The following C12orf42 variants were observed in gnomAD, a reference collection of about 807,000 sequenced individuals.
C12orf42 encodes chromosome 12 open reading frame 42.
Under a neutral mutation model 21.6 loss-of-function variants are expected in C12orf42, and 25 were observed. The observed-to-expected ratio is 1.16, with a 90% CI of 0.84 to 1.62. The LOEUF (loss-of-function observed/expected upper bound fraction) is 1.62, where lower values mean the gene tolerates loss of function less well. Among genes scored for constraint, C12orf42 ranks in the 40% most tolerant of loss-of-function variants. C12orf42 has a pLI of 0.00. For missense variants in C12orf42, 483 were observed against 459.3 expected (o/e 1.05, Z -0.47); for synonymous variants, 174 against 175.0 (o/e 0.99, Z 0.05).
At chr12:103,359,016 A>T (rs556785304) in intron 4 of C12orf42, among the ~76,000 whole-genome samples, 1 of 152,026 alleles carries the variant, frequency 6.6e-6, no homozygotes, top group South Asian at 2.1e-4. Context: ...AAATCACGCT[A>T]CTCTTTTCCT....
At chr12:103,531,473 A>G in the C12orf42 span, among the ~76,000 whole-genome samples, 1 of 152,120 alleles carries the variant, frequency 6.6e-6, no homozygotes, top group African/African-American at 2.4e-5. Flanking sequence ...GTTTCCCTTG[A>G]ATACAGTTTT....
At chr12:103,156,541 T>G in the C12orf42 span, among the ~76,000 whole-genome samples, 1 of 152,134 alleles carries the variant, frequency 6.6e-6, no homozygotes, top group Non-Finnish European at 1.5e-5. Context: ...GATACATGTG[T>G]AGAACATGCA....
At chr12:103,350,584 T>C (rs2043023879) in intron 4 of C12orf42, among the ~76,000 whole-genome samples, 1 of 152,192 alleles carries the variant, frequency 6.6e-6, no homozygotes, top group South Asian at 2.1e-4. Flanking sequence ...GGAGAAAACA[T>C]AGTATATATA....
At chr12:103,492,277 GTTTGTGGTTTATC>G (rs1372108446) in intron 1 of C12orf42, among the ~76,000 whole-genome samples, 1 of 152,138 alleles carries the variant, frequency 6.6e-6, no homozygotes, top group Non-Finnish European at 1.5e-5. Flanking sequence ...AATTCTATGT[GTTTGTGGTTTATC>G]TTTTCCTTAA....
intron 4 of C12orf42, among the ~76,000 whole-genome samples, chr12:103,307,617 A>G (rs923776921): frequency 3.3e-5 from 5 of 152,216 alleles, no homozygotes; most frequent in Admixed American, 6.5e-5. Flanking sequence ...AAGACAGTTT[A>G]AAGATATATC....
downstream of C12orf42, among the ~76,000 whole-genome samples, chr12:103,297,531 A>G (rs1242800416): frequency 6.6e-6 from 1 of 152,272 alleles, no homozygotes; most frequent in African/African-American, 2.4e-5. Context: ...AGGTACAAAG[A>G]GGAGCTGGTA....
intron 4 of C12orf42, among the ~76,000 whole-genome samples, chr12:103,366,633 A>G (rs2044627437): frequency 6.6e-6 from 1 of 151,984 alleles, no homozygotes; most frequent in Non-Finnish European, 1.5e-5. Context: ...AAACAATCCC[A>G]TCAAGAAGTG....
chr12:103,491,843 G>A (rs1206761788), intron 1 of C12orf42, among the ~76,000 whole-genome samples: 1 of 152,176 alleles, frequency 6.6e-6, no homozygotes, highest in East Asian at 1.9e-4. Context: ...CTGATAAGCT[G>A]AATCAAAATA....
At chr12:103,316,581 G>C (rs933728823) in intron 4 of C12orf42, among the ~76,000 whole-genome samples, 1 of 152,040 alleles carries the variant, frequency 6.6e-6, no homozygotes, top group East Asian at 1.9e-4. Context: ...AAAAGTAACT[G>C]CTCCTAAAAG....
the C12orf42 span, among the ~76,000 whole-genome samples, chr12:103,158,973 G>A: frequency 6.6e-6 from 1 of 151,058 alleles, no homozygotes; most frequent in South Asian, 2.1e-4. Context: ...GTGAAAGGTG[G>A]TAGAAGGTAC....
chr12:103,256,099 TATATATATATATAC>T (rs2034575993), intron 10 of C12orf42, among the ~76,000 whole-genome samples: 1 of 35,990 alleles, frequency 2.8e-5, no homozygotes, highest in African/African-American at 8.7e-5. Flanking sequence ...TATATATATA[TATATATATATATAC>T]ACACACACAC....
intron 4 of C12orf42, among the ~76,000 whole-genome samples, chr12:103,327,905 A>G (rs2040857898): frequency 6.6e-6 from 1 of 152,242 alleles, no homozygotes; most frequent in Non-Finnish European, 1.5e-5. Context: ...CATTGCAAGT[A>G]ACCAGAATCC....
the C12orf42 span, among the ~76,000 whole-genome samples, chr12:103,218,891 C>G: frequency 6.6e-6 from 1 of 152,206 alleles, no homozygotes; most frequent in African/African-American, 2.4e-5. Context: ...TGAATTGTTA[C>G]CACAACCCTG....
At chr12:103,243,912 T>C (rs952697391) in intron 10 of C12orf42, among the ~76,000 whole-genome samples, 2 of 152,086 alleles carry the variant, frequency 1.3e-5, no homozygotes, top group African/African-American at 2.4e-5. Flanking sequence ...CCCATTAAAA[T>C]TACTTGAGGA....
At chr12:103,339,806 A>T (rs2042018554) in intron 4 of C12orf42, among the ~76,000 whole-genome samples, 1 of 152,238 alleles carries the variant, frequency 6.6e-6, no homozygotes, top group Non-Finnish European at 1.5e-5. Flanking sequence ...CTCTAACAAG[A>T]TCATAGCATT....
intron 2 of C12orf42, among the ~76,000 whole-genome samples, chr12:103,407,245 G>A (rs763257473): frequency 6.6e-6 from 1 of 152,042 alleles, no homozygotes; most frequent in Non-Finnish European, 1.5e-5. Flanking sequence ...GACTGGCATT[G>A]CATTTTTACA....
intron 3 of C12orf42, among the ~76,000 whole-genome samples, chr12:103,398,035 T>G (rs2047680000): frequency 6.6e-6 from 1 of 152,138 alleles, no homozygotes; most frequent in African/African-American, 2.4e-5. Flanking sequence ...ATGTACCTCA[T>G]AAATAGGTAC....
the C12orf42 span, chr12:103,503,649 G>A: frequency 6.5e-6 from 1 of 153,044 alleles, no homozygotes; most frequent in Non-Finnish European, 1.5e-5. Flanking sequence ...GGCATCCCGA[G>A]TGTAACTGGC....
intron 2 of C12orf42, among the ~76,000 whole-genome samples, chr12:103,432,422 C>T (rs1222200202): frequency 2.6e-5 from 4 of 152,154 alleles, no homozygotes; most frequent in Non-Finnish European, 5.9e-5. Context: ...GTGGGAGGAC[C>T]CTCTCCTGCC....
Sources: gnomAD v4.1 joint callset for allele counts (sites outside exome capture counted in the v4.1 genomes callset) on GRCh38, gnomAD v4.1.1 for gene constraint, MANE v1.5 for transcripts, NCBI Gene and HGNC (gene_info 2026-07-23, HGNC 2026-07-21) for gene names.